ZNF141: variants seen among roughly 807,000 people sequenced by gnomAD.
The protein encoded by ZNF141 is zinc finger protein 141.
Under a neutral mutation model 11.3 loss-of-function variants are expected in ZNF141, and 7 were observed. That is an observed-to-expected ratio of 0.62 (90% confidence interval 0.35 to 1.16). The LOEUF (loss-of-function observed/expected upper bound fraction) is 1.16. Ranked by LOEUF, ZNF141 falls within the 50% of genes most tolerant of loss-of-function variation. ZNF141 has a pLI of 0.02. For synonymous variants in ZNF141, 183 were observed against 190.7 expected (o/e 0.96, Z 0.33); for missense variants, 535 against 554.0 (o/e 0.97, Z 0.34).
intron 3 of ZNF141, among the ~76,000 whole-genome samples, chr4:362,712 G>A (rs1220085445): frequency 6.6e-6 from 1 of 152,036 alleles, no homozygotes; most frequent in African/African-American, 2.4e-5. Context: ...ATTTCTGAGG[G>A]CTCTGTTCTG....
At chr4:363,860 G>A (rs542754415) in intron 3 of ZNF141, among the ~76,000 whole-genome samples, 5 of 152,152 alleles carry the variant, frequency 3.3e-5, no homozygotes, top group Admixed American at 1.3e-4. Context: ...TTTGAGATAC[G>A]TTCCATCAAT....
rs1046964510 is a variant in ZNF141, at chr4:378,776, T to G, written c.*4914T>G. 1.3e-5 allele frequency among the ~76,000 whole-genome samples: 2 copies of G among 151,732 alleles called. No homozygotes were observed. The highest frequency in any genetic ancestry group is 4.8e-5 in the African/African-American group (2 of 41,340). ...AACTTTATCCAAGTCCTTGGTCACC[T>G]TCTCTGGAAAAAAATTTGAAGATTA... On this transcript the variant is annotated 3_prime_UTR_variant, in exon 4 of 4. Transcript: ENST00000240499.
chr4:371,742 A>G (rs1712076569), intron 3 of ZNF141, among the ~76,000 whole-genome samples: 1 of 150,212 alleles, frequency 6.7e-6, no homozygotes, highest in Middle Eastern at 3.6e-3. Context: ...GTGATTCACC[A>G]TGTTAGCCAA....
chr4:373,371 A>G lies in ZNF141; in HGVS notation c.934A>G (p.Lys312Glu). The stretch of plus-strand genomic sequence containing the variant: ...AATTCATACTGGAGAGAAACCCTAC[A>G]AATGTGAAGAATGTGGCAAAGCCTT... ...KRIHTGEKPY[K>E]CEECGKAFNR... Residue 312 changes from lysine to glutamate, a missense_variant, in exon 4 of 4, where the codon AAA becomes GAA. Lys to Glu is a moderately conservative substitution (Grantham distance 56, BLOSUM62 1). Coordinates refer to ENST00000240499, the MANE Select transcript of ZNF141 (RefSeq NM_003441.4). 1 of 1,613,978 alleles carries G rather than the reference A, an allele frequency of 6.2e-7. No individual in the cohort carries two copies. The highest frequency in any genetic ancestry group is 1.1e-5 in the South Asian group (1 of 91,062).
chr4:376,011 T>C lies in ZNF141; in HGVS notation c.*2149T>C, dbSNP rs919274918. Among the ~76,000 whole-genome samples, 1 of 152,070 alleles carries C rather than the reference T, an allele frequency of 6.6e-6. No individual in the cohort carries two copies. The highest frequency in any genetic ancestry group is 1.5e-5 in the Non-Finnish European group (1 of 67,900). On this transcript the variant is annotated 3_prime_UTR_variant, in exon 4 of 4. Transcript: ENST00000240499. ...AATCTGTTTTAGTAGTAAATTGTTT[T>C]ACCAATTATACATTTATGTAATAAG...
Position 370,324 on chromosome 4 carries a change from T to C in ZNF141, c.227-2340T>C, listed in dbSNP as rs368132138. On this transcript the variant is annotated intron_variant, in intron 3 of 3. Transcript: ENST00000240499. ...TGTGCATATGTTTTTCAGAAAGTTA[T>C]GTATTTTCATATCATCATATTTTTT... Among the ~76,000 whole-genome samples the C allele has an allele frequency of 5.3e-5, 8 of 152,226 alleles. No individual in the cohort carries two copies. The East Asian group carries it at 5.8e-4, about 11-fold the overall frequency.
chr4:345,348 G>A (rs182060538), intron 3 of ZNF141, among the ~76,000 whole-genome samples: 54 of 152,152 alleles, frequency 3.5e-4, no homozygotes, highest in African/African-American at 1.2e-3. Context: ...GTATAAACTC[G>A]TTTGTAATGT....
At chr4:345,066 G>A (rs538670264) in intron 3 of ZNF141, among the ~76,000 whole-genome samples, 14 of 152,270 alleles carry the variant, frequency 9.2e-5, no homozygotes, top group South Asian at 4.1e-4. Context: ...GTGTTACTGA[G>A]GAGCTGTATG....
In ZNF141 at chr4:349,945, C is replaced by T. The variant is rs116269826; in HGVS notation, c.226+5515C>T. ...AGTTTCCACACTTTTCTCTTTGGGT[C>T]CCTGATTGTGTACAACTGGCCATGG... On this transcript the variant is annotated intron_variant, in intron 3 of 3. Coordinates refer to ENST00000240499, the MANE Select transcript of ZNF141 (RefSeq NM_003441.4). Among the ~76,000 whole-genome samples, 551 of 152,222 alleles carry T rather than the reference C, an allele frequency of 3.6e-3. 2 individuals carry two copies. Among genetic ancestry groups the T allele is most frequent in the African/African-American group, 0.013 (544 of 41,522 alleles).
rs1264622654 is a variant in ZNF141, at chr4:382,762, A to G, written c.*8900A>G. 3 of 165,542 alleles carry G rather than the reference A, an allele frequency of 1.8e-5. No homozygotes were observed. Among genetic ancestry groups the G allele is most frequent in the Non-Finnish European group, 2.6e-5 (2 of 76,722 alleles). The allele number at this position is 165,542 out of a possible 1,614,324, so 10.3% of individuals were successfully genotyped here. A position where few individuals can be genotyped will look rare whatever the true frequency, so the allele number is the denominator to read the frequency against. On this transcript the variant is annotated 3_prime_UTR_variant, in exon 4 of 4. Transcript: ENST00000240499. ...CTCCAGCCCCTTGAAGGTCCAGGAA[A>G]CCTGGCTGAGTAGTGTGGTCTATGG... is the stretch of plus-strand genomic sequence containing the variant.
chr4:384,478 G>T lies in ZNF141; in HGVS notation c.*10616G>T, dbSNP rs1463022024. ...GTTAAGAACTTCCTCTTATGCCAGG[G>T]TGTTGATCAGAAGAGACTGTCCCAC... On this transcript the variant is annotated 3_prime_UTR_variant, in exon 4 of 4. Transcript: ENST00000240499. 2.0e-5 allele frequency: 3 copies of T among 152,246 alleles called. No individual in the cohort carries two copies. Among genetic ancestry groups the T allele is most frequent in the African/African-American group, 7.2e-5 (3 of 41,454 alleles). The allele number at this position is 152,246 out of a possible 1,614,324, so 9.4% of individuals were successfully genotyped here.
chr4:354,766 T>C (rs1294740686), intron 3 of ZNF141, among the ~76,000 whole-genome samples: 1 of 152,152 alleles, frequency 6.6e-6, no homozygotes, highest in African/African-American at 2.4e-5. Context: ...AAATACTTTA[T>C]GATTTCCTTT....
chr4:342,437 C>G (rs1176441451), intron 1 of ZNF141, among the ~76,000 whole-genome samples: 2 of 152,196 alleles, frequency 1.3e-5, no homozygotes, highest in African/African-American at 2.4e-5. Context: ...GTAAGGGACT[C>G]TGTGTGCTGT....
chr4:366,953 C>T (rs1711774061), intron 3 of ZNF141, among the ~76,000 whole-genome samples: 1 of 152,212 alleles, frequency 6.6e-6, no homozygotes, highest in Non-Finnish European at 1.5e-5. Flanking sequence ...CAGGCGTGAG[C>T]CACTGAACCT....
intron 2 of ZNF141, 91 bp downstream of exon 2, chr4:343,999 A>G: frequency 6.6e-7 from 1 of 1,507,768 alleles, no homozygotes; most frequent in Non-Finnish European, 8.9e-7. Context: ...TTTATGTTTT[A>G]TCTTTACATA....
Position 372,930 on chromosome 4 carries a change from A to G in ZNF141, c.493A>G (p.Thr165Ala), listed in dbSNP as rs78309842. The G allele has an allele frequency of 4.8e-4, 776 of 1,614,114 alleles. 4 individuals carry two copies. The African/African-American group carries it at 9.2e-3, about 19-fold the overall frequency. The change falls in exon 4 of 4, where the codon ACA (threonine) becomes GCA (alanine). Residue 165 changes from threonine to alanine, a missense_variant. Transcript: ENST00000240499. The stretch of plus-strand genomic sequence containing the variant: ...ATTTTCAAATTCAAACAAACGTAAG[A>G]CAAGACATACTGGAGAGAAACACTT... ...SKFSNSNKRK[T>A]RHTGEKHFKE...
chr4:338,235 G>T, intron 1 of ZNF141: 1 of 462,416 alleles, frequency 2.2e-6, no homozygotes. Context: ...GGGGTGAGGA[G>T]TAGCTTATCT....
chr4:359,749 C>T (rs1000710169), intron 3 of ZNF141, among the ~76,000 whole-genome samples: 1 of 152,132 alleles, frequency 6.6e-6, no homozygotes, highest in African/African-American at 2.4e-5. Context: ...GGACTTGGAG[C>T]CAAGTTGTAG....
intron 1 of ZNF141, 147 bp downstream of exon 1, chr4:338,133 C>A: frequency 9.7e-7 from 1 of 1,034,314 alleles, no homozygotes; most frequent in Non-Finnish European, 1.4e-6. Flanking sequence ...GGGACCTGGG[C>A]TCCTGTCGGT....
Sources: allele counts gnomAD v4.1 joint callset (sites outside exome capture counted in the v4.1 genomes callset), GRCh38; gene constraint gnomAD v4.1.1; transcripts MANE v1.5; gene names NCBI Gene and HGNC (gene_info 2026-07-23, HGNC 2026-07-21).